The following MIS18A variants were observed in gnomAD, a reference collection of about 807,000 sequenced individuals.
MIS18A encodes protein Mis18-alpha.
In MIS18A, 14 loss-of-function variants were observed where a neutral mutation model predicts 25.0. The observed-to-expected ratio is 0.56, with a 90% confidence interval of 0.37 to 0.88. The LOEUF (loss-of-function observed/expected upper bound fraction) is 0.88, where lower values mean the gene tolerates loss of function less well. Among genes scored for constraint, MIS18A ranks in the 40% least tolerant of loss-of-function variants. MIS18A has a pLI of 0.00. For synonymous variants in MIS18A, 134 were observed against 118.6 expected (o/e 1.13, Z -0.84); for missense variants, 292 against 290.8 (o/e 1.00, Z -0.03).
the MIS18A span, among the ~76,000 whole-genome samples, chr21:32,166,789 T>C: frequency 2.6e-5 from 4 of 152,108 alleles, no homozygotes; most frequent in Non-Finnish European, 5.9e-5. Flanking sequence ...TAGTGCTACC[T>C]CCCTGTGCTT....
chr21:32,223,493 A>G, the MIS18A span, among the ~76,000 whole-genome samples: 1 of 152,154 alleles, frequency 6.6e-6, no homozygotes, highest in Non-Finnish European at 1.5e-5. Context: ...AGAGAATACT[A>G]TAAACACATC....
intron 2 of MIS18A, among the ~76,000 whole-genome samples, chr21:32,270,986 T>C (rs1363333681): frequency 6.6e-6 from 1 of 152,206 alleles, no homozygotes; most frequent in African/African-American, 2.4e-5. Context: ...GGCCATAGTT[T>C]ACCAAACTCT....
At chr21:32,155,221 T>C in the MIS18A span, among the ~76,000 whole-genome samples, 2 of 152,208 alleles carry the variant, frequency 1.3e-5, no homozygotes, top group African/African-American at 2.4e-5. Flanking sequence ...ACAAGCAAAC[T>C]TGTTTTACCA....
chr21:32,169,495 T>C, the MIS18A span, among the ~76,000 whole-genome samples: 5 of 152,042 alleles, frequency 3.3e-5, no homozygotes, highest in Non-Finnish European at 7.4e-5. Context: ...AAACGAGATG[T>C]CCATAGGGAA....
chr21:32,253,504 A>G, the MIS18A span, among the ~76,000 whole-genome samples: 31 of 151,892 alleles, frequency 2.0e-4, no homozygotes, highest in African/African-American at 7.0e-4. Flanking sequence ...CTCTGACAGC[A>G]AGCTGGCCTC....
At chr21:32,259,232 C>T in the MIS18A span, among the ~76,000 whole-genome samples, 4 of 152,158 alleles carry the variant, frequency 2.6e-5, no homozygotes, top group South Asian at 2.1e-4. Context: ...GCCAGGGGCT[C>T]GAGGGAAGGG....
At chr21:32,270,875 C>T (rs1304585495) in intron 2 of MIS18A, among the ~76,000 whole-genome samples, 1 of 152,178 alleles carries the variant, frequency 6.6e-6, no homozygotes, top group Non-Finnish European at 1.5e-5. Context: ...TCTGTCACTA[C>T]TCACCTCTGC....
At chr21:32,157,239 TTG>T in the MIS18A span, among the ~76,000 whole-genome samples, 252 of 52,458 alleles carry the variant, frequency 4.8e-3, 37 homozygotes, top group African/African-American at 0.022. Context: ...TTTTTTTTTT[TTG>T]GTAGTTTTAG....
the MIS18A span, among the ~76,000 whole-genome samples, chr21:32,168,936 T>C: frequency 6.6e-6 from 1 of 152,160 alleles, no homozygotes; most frequent in African/African-American, 2.4e-5. Flanking sequence ...CAAAGATTGG[T>C]AAGGCACTTC....
chr21:32,180,873 C>G, the MIS18A span, among the ~76,000 whole-genome samples: 2 of 152,150 alleles, frequency 1.3e-5, no homozygotes, highest in Non-Finnish European at 2.9e-5. Context: ...GAGCAGGGGT[C>G]TATAACACTT....
chr21:32,173,078 C>A, the MIS18A span, among the ~76,000 whole-genome samples: 1 of 151,764 alleles, frequency 6.6e-6, no homozygotes, highest in Admixed American at 6.6e-5. Flanking sequence ...ATTATGACAC[C>A]AAAGCATAAC....
chr21:32,164,986 A>G, the MIS18A span, among the ~76,000 whole-genome samples: 2 of 152,238 alleles, frequency 1.3e-5, no homozygotes, highest in Admixed American at 6.5e-5. Context: ...TTTTACAATC[A>G]CACAGGTATG....
the MIS18A span, among the ~76,000 whole-genome samples, chr21:32,191,192 C>T: frequency 3.3e-5 from 5 of 152,192 alleles, no homozygotes; most frequent in Non-Finnish European, 7.3e-5. Context: ...CAACGTAAAG[C>T]GCACCATAAA....
At chr21:32,176,647 G>GATCC in the MIS18A span, among the ~76,000 whole-genome samples, 1 of 152,052 alleles carries the variant, frequency 6.6e-6, no homozygotes, top group Non-Finnish European at 1.5e-5. Flanking sequence ...GTTGTCTAAA[G>GATCC]ATCCATCTCA....
chr21:32,264,361 T>C (rs73901361), downstream of MIS18A, among the ~76,000 whole-genome samples: 2,586 of 152,324 alleles, frequency 0.017, 59 homozygotes, highest in African/African-American at 0.057. Context: ...CAATAAATGT[T>C]ATATAGTTTA....
chr21:32,186,558 T>C, the MIS18A span, among the ~76,000 whole-genome samples: 14 of 152,332 alleles, frequency 9.2e-5, no homozygotes, highest in South Asian at 2.9e-3. Flanking sequence ...ATTTTGTTAC[T>C]TGAGGTTAAA....
the MIS18A span, among the ~76,000 whole-genome samples, chr21:32,157,762 G>T: frequency 6.6e-6 from 1 of 151,846 alleles, no homozygotes; most frequent in East Asian, 1.9e-4. Context: ...CTCTTAAATA[G>T]TTTCTTAACC....
At chr21:32,196,084 TG>T in the MIS18A span, among the ~76,000 whole-genome samples, 1 of 151,890 alleles carries the variant, frequency 6.6e-6, no homozygotes, top group Admixed American at 6.6e-5. Flanking sequence ...GACTGGGCCA[TG>T]GGGGTGTCCA....
chr21:32,278,797 G>C lies in MIS18A; in HGVS notation c.218C>G (p.Ala73Gly). ...DMERAQLEEE[A>G]AAAEERPLVF... ...CAGCGGCCTCTCCTCCGCAGCCGCC[G>C]CCTCCTCCTCCAGCTGCGCCCTCTC... The change falls in exon 1 of 5, where the codon GCG (alanine) becomes GGG (glycine). Residue 73 changes from alanine (A) to glycine (G), a missense_variant. Ala to Gly is a moderately conservative substitution (Grantham distance 60, BLOSUM62 0). Transcript: ENST00000290130. The C allele has an allele frequency of 1.9e-6, 3 of 1,587,444 alleles. No individual in the cohort carries two copies. Among genetic ancestry groups the C allele is most frequent in the Non-Finnish European group, 2.6e-6 (3 of 1,170,350 alleles).
Sources: gnomAD v4.1 joint callset for allele counts (sites outside exome capture counted in the v4.1 genomes callset) on GRCh38, gnomAD v4.1.1 for gene constraint, MANE v1.5 for transcripts, NCBI Gene and HGNC (gene_info 2026-07-23, HGNC 2026-07-21) for gene names.